Variants in MBNL1 observed in about 807,000 individuals in gnomAD.
The protein encoded by MBNL1 is muscleblind-like protein 1.
MBNL1 carries 8 observed loss-of-function variants against 42.2 expected under a neutral mutation model. The observed-to-expected ratio is 0.19, with a 90% CI of 0.11 to 0.34. The LOEUF (loss-of-function observed/expected upper bound fraction) is 0.34, where lower values mean the gene tolerates loss of function less well. Among genes scored for constraint, MBNL1 ranks in the 10% least tolerant of loss-of-function variants. The pLI, the probability that MBNL1 is intolerant of heterozygous loss-of-function variation, is 1.00. For synonymous variants in MBNL1, 169 were observed against 173.9 expected, an observed-to-expected ratio of 0.97 and a Z score of 0.22; for missense variants, 309 against 495.3, an observed-to-expected ratio of 0.62 and a Z score of 3.57.
intron 3 of MBNL1, among the ~76,000 whole-genome samples, chr3:152,428,367 A>C (rs73011725): frequency 0.016 from 2,403 of 152,282 alleles, 55 homozygotes; most frequent in African/African-American, 0.055. Context: ...GGAGATATTC[A>C]GGTAAACACT....
rs143348176 is a variant in MBNL1 at position 152,343,626 on chromosome 3, A to G, written c.174+43259A>G. Among the ~76,000 whole-genome samples, 17 of 152,260 alleles carry G rather than the reference A, an allele frequency of 1.1e-4. No homozygotes were observed. The East Asian group carries it at 3.3e-3, about 29-fold the overall frequency. On this transcript the variant is annotated intron_variant, in intron 2 of 9. Coordinates refer to ENST00000324210, the MANE Select transcript of MBNL1 (RefSeq NM_021038.5). ...AAATCGAGGCTGCAGTGCAGAAAGC[A>G]TAGGATGTCCTGGGGATGGGGGTGG... is the stretch of plus-strand genomic sequence containing the variant.
In MBNL1 at chr3:152,447,458, TC is replaced by T. The variant is rs936901386; in HGVS notation, c.808-160del. Among the ~76,000 whole-genome samples the T allele has an allele frequency of 2.6e-3, 391 of 151,734 alleles. 4 individuals are homozygous for T. The highest frequency in any genetic ancestry group is 8.8e-3 in the African/African-American group (365 of 41,394). On this transcript the variant is annotated intron_variant, in intron 5 of 9. Transcript: ENST00000324210. ...TTTTATCTTGCTTTTTTTTTTTTTT[TC>T]CTCCTTAATTTTTTGTTCATTGGAT...
At chr3:152,446,940 G>A (rs951477618) in intron 5 of MBNL1, among the ~76,000 whole-genome samples, 31 of 152,044 alleles carry the variant, frequency 2.0e-4, no homozygotes, top group African/African-American at 7.5e-4. Flanking sequence ...GTACATAGAT[G>A]GATATCATAC....
chr3:152,343,080 G>A (rs546321664), intron 2 of MBNL1, among the ~76,000 whole-genome samples: 3 of 152,184 alleles, frequency 2.0e-5, no homozygotes, highest in African/African-American at 7.2e-5. Flanking sequence ...TCTCTGAAAG[G>A]TCAGTGGAGA....
chr3:152,272,170 A>G (rs1161685389), intron 1 of MBNL1, among the ~76,000 whole-genome samples: 1 of 152,082 alleles, frequency 6.6e-6, no homozygotes, highest in Non-Finnish European at 1.5e-5. Context: ...TCTGGGAGAA[A>G]GCTTAAAGAT....
chr3:152,404,482 C>G (rs572602175), intron 2 of MBNL1, among the ~76,000 whole-genome samples: 1 of 152,008 alleles, frequency 6.6e-6, no homozygotes, highest in Non-Finnish European at 1.5e-5. Flanking sequence ...TATGTGGGAT[C>G]TAGCAGGTAC....
At chr3:152,398,814 T>G (rs895857312) in intron 2 of MBNL1, among the ~76,000 whole-genome samples, 1 of 152,192 alleles carries the variant, frequency 6.6e-6, no homozygotes, top group Admixed American at 6.5e-5. Context: ...CAAGCTAGAC[T>G]TTTCTAGGTG....
intron 2 of MBNL1, among the ~76,000 whole-genome samples, chr3:152,250,831 G>T (rs535194584): frequency 1.3e-4 from 20 of 152,026 alleles, no homozygotes; most frequent in African/African-American, 3.6e-4. Flanking sequence ...TGGCATGAAG[G>T]GTTGTTGAAT....
intron 2 of MBNL1, among the ~76,000 whole-genome samples, chr3:152,371,195 G>C (rs1468718641): frequency 6.6e-6 from 1 of 152,100 alleles, no homozygotes; most frequent in Non-Finnish European, 1.5e-5. Context: ...CAGGACTGGT[G>C]GTGACAAAAT....
At chr3:152,281,284 G>A (rs1005741289) in intron 1 of MBNL1, among the ~76,000 whole-genome samples, 3 of 152,030 alleles carry the variant, frequency 2.0e-5, no homozygotes, top group Admixed American at 6.6e-5. Context: ...CTCAACCCAG[G>A]AGTTTTGCTG....
intron 2 of MBNL1, among the ~76,000 whole-genome samples, chr3:152,366,642 G>T (rs1324892922): frequency 6.6e-6 from 1 of 152,142 alleles, no homozygotes; most frequent in Non-Finnish European, 1.5e-5. Flanking sequence ...GGATACTTTG[G>T]TAGGATAAAT....
At chr3:152,336,961 T>C (rs1225839965) in intron 2 of MBNL1, among the ~76,000 whole-genome samples, 2 of 152,192 alleles carry the variant, frequency 1.3e-5, no homozygotes, top group Non-Finnish European at 2.9e-5. Context: ...ATTTCAAGTA[T>C]AAAGTCCATG....
chr3:152,358,961 G>A (rs1165180653), intron 2 of MBNL1, among the ~76,000 whole-genome samples: 2 of 152,078 alleles, frequency 1.3e-5, no homozygotes, highest in Non-Finnish European at 2.9e-5. Context: ...GATATCAGTT[G>A]CTTAAAAGTA....
chr3:152,337,510 TG>T (rs1266684724), intron 2 of MBNL1, among the ~76,000 whole-genome samples: 1 of 151,496 alleles, frequency 6.6e-6, no homozygotes, highest in Non-Finnish European at 1.5e-5. Context: ...CCCAGCTACT[TG>T]GGAGGCTGAG....
At chr3:152,329,416 C>T (rs1418454055) in intron 2 of MBNL1, among the ~76,000 whole-genome samples, 3 of 151,600 alleles carry the variant, frequency 2.0e-5, no homozygotes, top group East Asian at 1.9e-4. Flanking sequence ...TTCTTGACCC[C>T]AGAAATTTGC....
chr3:152,447,510 C>A, intron 5 of MBNL1, 110 bp from the exon 6 acceptor site: 2 of 565,214 alleles, frequency 3.5e-6, no homozygotes, highest in East Asian at 4.2e-5. Context: ...GTTAAGTGCT[C>A]TGCTGCTTGC....
intron 2 of MBNL1, among the ~76,000 whole-genome samples, chr3:152,320,343 A>G (rs758260275): frequency 3.3e-5 from 5 of 152,170 alleles, no homozygotes; most frequent in Non-Finnish European, 7.4e-5. Flanking sequence ...CTCAGGCACT[A>G]TAATGGACTA....
At chr3:152,316,797 A>G (rs906591270) in intron 2 of MBNL1, among the ~76,000 whole-genome samples, 2 of 152,110 alleles carry the variant, frequency 1.3e-5, no homozygotes, top group African/African-American at 2.4e-5. Context: ...AAATTTTCAC[A>G]TGCTCCAGAC....
intron 2 of MBNL1, among the ~76,000 whole-genome samples, chr3:152,317,634 T>A (rs1312492385): frequency 6.6e-6 from 1 of 152,182 alleles, no homozygotes; most frequent in Non-Finnish European, 1.5e-5. Context: ...TTTTGTTTTA[T>A]TTTTTTAATC....
Sources: allele counts gnomAD v4.1 joint callset (sites outside exome capture counted in the v4.1 genomes callset), GRCh38; gene constraint gnomAD v4.1.1; transcripts MANE v1.5; gene names NCBI Gene and HGNC (gene_info 2026-07-23, HGNC 2026-07-21).